PPP3CA: variants seen among roughly 807,000 people sequenced by gnomAD.
PPP3CA encodes the protein protein phosphatase 3 catalytic subunit alpha, also known as CAM-PRP catalytic subunit.
PPP3CA carries 14 observed loss-of-function variants against 66.5 expected under a neutral mutation model. That is an observed-to-expected ratio of 0.21 (90% CI 0.14 to 0.33). PPP3CA has a LOEUF of 0.33. PPP3CA is among the 10% of genes least tolerant of loss of function. The pLI is 1.00. For synonymous variants in PPP3CA, 232 were observed against 226.2 expected, an observed-to-expected ratio of 1.03 and a Z score of -0.23; for missense variants, 317 against 639.5, an observed-to-expected ratio of 0.50 and a Z score of 5.44.
intron 2 of PPP3CA, among the ~76,000 whole-genome samples, chr4:101,151,026 A>AT (rs1723119728): frequency 6.6e-6 from 1 of 152,216 alleles, no homozygotes; most frequent in Non-Finnish European, 1.5e-5. Context: ...ATTAATTATA[A>AT]TATCTCAAAA....
At chr4:101,294,544 A>ATAC (rs1560702997) in intron 1 of PPP3CA, among the ~76,000 whole-genome samples, 1 of 151,942 alleles carries the variant, frequency 6.6e-6, no homozygotes. Context: ...TTAATCATTT[A>ATAC]TATTAAGGCC....
intron 2 of PPP3CA, among the ~76,000 whole-genome samples, chr4:101,184,091 G>C (rs1308914679): frequency 6.6e-6 from 1 of 152,148 alleles, no homozygotes; most frequent in African/African-American, 2.4e-5. Context: ...TATGTCCTTT[G>C]ACTCAACAGG....
At chr4:101,118,293 C>T (rs773731507) in intron 2 of PPP3CA, among the ~76,000 whole-genome samples, 14 of 152,160 alleles carry the variant, frequency 9.2e-5, no homozygotes, top group Middle Eastern at 3.4e-3. Flanking sequence ...CAATTTCCAC[C>T]ACCCAATCAG....
At chr4:101,107,481 A>T (rs1342481249) in intron 3 of PPP3CA, among the ~76,000 whole-genome samples, 1 of 152,216 alleles carries the variant, frequency 6.6e-6, no homozygotes, top group African/African-American at 2.4e-5. Context: ...CAAATGGAGG[A>T]AATACCAAGA....
At chr4:101,282,073 T>C (rs916612197) in intron 1 of PPP3CA, among the ~76,000 whole-genome samples, 8 of 152,214 alleles carry the variant, frequency 5.3e-5, no homozygotes, top group African/African-American at 1.4e-4. Context: ...AATGAGAATA[T>C]ATTATCTTCG....
At chr4:101,318,109 T>C (rs1450023300) in intron 1 of PPP3CA, among the ~76,000 whole-genome samples, 4 of 152,200 alleles carry the variant, frequency 2.6e-5, no homozygotes, top group Admixed American at 6.5e-5. Context: ...CTCAAAATGA[T>C]AGCATGTTCA....
At chr4:101,182,652 A>G (rs1327201342) in intron 2 of PPP3CA, among the ~76,000 whole-genome samples, 1 of 152,178 alleles carries the variant, frequency 6.6e-6, no homozygotes, top group Middle Eastern at 3.2e-3. Context: ...GGTAGGATAC[A>G]TAGGTAACAA....
chr4:101,219,652 A>G (rs1443851782), intron 1 of PPP3CA, among the ~76,000 whole-genome samples: 3 of 151,784 alleles, frequency 2.0e-5, no homozygotes, highest in Non-Finnish European at 2.9e-5. Flanking sequence ...ATTTTTTTTA[A>G]TTAAGGCAAT....
chr4:101,127,195 A>G (rs1722271406), intron 2 of PPP3CA, among the ~76,000 whole-genome samples: 1 of 151,834 alleles, frequency 6.6e-6, no homozygotes, highest in Non-Finnish European at 1.5e-5. Context: ...CCCCAACTCC[A>G]TTAGTGCCCT....
intron 2 of PPP3CA, among the ~76,000 whole-genome samples, chr4:101,122,672 A>C (rs1722067308): frequency 2.0e-5 from 3 of 152,210 alleles, no homozygotes; most frequent in Admixed American, 2.0e-4. Flanking sequence ...TGGATTGCAA[A>C]AAACAAACAA....
chr4:101,170,956 T>G, intron 2 of PPP3CA: 1 of 276,430 alleles, frequency 3.6e-6, no homozygotes, highest in Non-Finnish European at 7.2e-6. Context: ...AAATAATCAT[T>G]TTGGTATTTT....
intron 1 of PPP3CA, among the ~76,000 whole-genome samples, chr4:101,246,049 T>C (rs147401256): frequency 9.5e-4 from 145 of 152,256 alleles, no homozygotes; most frequent in African/African-American, 3.3e-3. Flanking sequence ...TCACAAGTTA[T>C]ACGTCAACCA....
intron 11 of PPP3CA, among the ~76,000 whole-genome samples, chr4:101,034,625 C>T (rs1476921751): frequency 2.0e-5 from 3 of 151,640 alleles, no homozygotes; most frequent in Non-Finnish European, 4.4e-5. Context: ...AAAATATTTG[C>T]CAAAAATAAA....
intron 1 of PPP3CA, among the ~76,000 whole-genome samples, chr4:101,257,975 G>A (rs867614293): frequency 2.0e-5 from 3 of 151,918 alleles, no homozygotes; most frequent in Admixed American, 1.3e-4. Context: ...CCAGAGGCAG[G>A]GAAACGTAAA....
At chr4:101,320,164 C>T (rs978252134) in intron 1 of PPP3CA, among the ~76,000 whole-genome samples, 3 of 151,840 alleles carry the variant, frequency 2.0e-5, no homozygotes, top group Admixed American at 2.0e-4. Flanking sequence ...TGTACATGTA[C>T]TCACACACAC....
chr4:101,341,009 A>C (rs188040251), intron 1 of PPP3CA, among the ~76,000 whole-genome samples: 1 of 152,240 alleles, frequency 6.6e-6, no homozygotes, highest in Admixed American at 6.5e-5. Context: ...TTTCTTTATA[A>C]ACCTCAGGCC....
chr4:101,133,855 G>C (rs1026587521), intron 2 of PPP3CA, among the ~76,000 whole-genome samples: 3 of 152,106 alleles, frequency 2.0e-5, no homozygotes, highest in Non-Finnish European at 2.9e-5. Context: ...ATACTACAAG[G>C]CTACAGTAAC....
intron 1 of PPP3CA, among the ~76,000 whole-genome samples, chr4:101,261,281 T>C (rs910721807): frequency 5.3e-5 from 8 of 152,026 alleles, no homozygotes; most frequent in South Asian, 4.1e-4. Context: ...AGAATTGTAA[T>C]AGAAGTATAG....
chr4:101,070,249 TA>T (rs990525215), intron 8 of PPP3CA, among the ~76,000 whole-genome samples: 1 of 151,634 alleles, frequency 6.6e-6, no homozygotes, highest in Non-Finnish European at 1.5e-5. Context: ...AGAAAAAACC[TA>T]AGGAATGAAA....
Sources: allele counts gnomAD v4.1 joint callset (sites outside exome capture counted in the v4.1 genomes callset), GRCh38; gene constraint gnomAD v4.1.1; transcripts MANE v1.5; gene names NCBI Gene and HGNC (gene_info 2026-07-23, HGNC 2026-07-21).